MPZ: variants seen among roughly 807,000 people sequenced by gnomAD.
MPZ encodes myelin protein zero, also known as myelin protein P0.
A neutral mutation model predicts 27.9 loss-of-function variants in MPZ; 13 were observed. The ratio of observed to expected loss-of-function variants is 0.47; its 90% confidence interval spans 0.30 to 0.74. MPZ has a LOEUF of 0.74. Ranked by LOEUF, MPZ falls within the 30% of genes least tolerant of loss-of-function variation. MPZ has a pLI of 0.06. For synonymous variants in MPZ, 118 were observed against 128.9 expected (o/e 0.92, Z 0.57); for missense variants, 256 against 317.5 (o/e 0.81, Z 1.47).
chr1:161,307,016 A>AAAAAAAAAAAAAAG, intron 2 of MPZ, 95 bp from the exon 3 acceptor site: 1 of 309,214 alleles, frequency 3.2e-6, no homozygotes, highest in Non-Finnish European at 5.3e-6. Context: ...GAAAAAAGCA[A>AAAAAAAAAAAAAAG]AAAAAAAAAA....
Position 161,305,535 on chromosome 1 carries a change from T to C in MPZ, c.*341A>G, listed in dbSNP as rs557613782. The C allele has an allele frequency of 3.4e-4, 108 of 318,694 alleles. No individual in the cohort carries two copies. The highest frequency in any genetic ancestry group is 5.5e-4 in the Non-Finnish European group (93 of 170,540). 19.7% of individuals were successfully genotyped at this position (318,694 alleles called of 1,614,324 possible). A position where few individuals can be genotyped will look rare whatever the true frequency, so the allele number is the denominator to read the frequency against. On this transcript the variant is annotated 3_prime_UTR_variant, in exon 6 of 6. Coordinates refer to ENST00000533357, the MANE Select transcript of MPZ (RefSeq NM_000530.8). Reference sequence around the variant, plus strand: ...GAAGGTGGGGGAGAATACAATTGCCTGGGGAATGAATTCTGGAATGAAACT... The same window carrying C: ...GAAGGTGGGGGAGAATACAATTGCCCGGGGAATGAATTCTGGAATGAAACT...
In MPZ at chr1:161,306,458, G is replaced by A; in HGVS notation, c.455C>T (p.Thr152Ile). 6.2e-7 allele frequency: 1 copy of A among 1,614,222 alleles called. No homozygotes were observed. Among genetic ancestry groups the A allele is most frequent in the South Asian group, 1.1e-5 (1 of 91,086 alleles). ...AGCTCCCAGAACGACCCCGTACCTAGTTGGCACTAGGAGGGGTGGGAAAAG... is the reference window on the plus strand; with the variant it reads ...AGCTCCCAGAACGACCCCGTACCTAATTGGCACTAGGAGGGGTGGGAAAAG... ...VTLYVFEKVP[T>I]RYGVVLGAVI... The change falls in exon 4 of 6, where the codon ACT becomes ATT. Residue 152 changes from threonine to isoleucine, a missense_variant. Physicochemically the swap from Thr to Ile is moderately conservative, Grantham distance 89. Around this residue, in one of 2 missense-constraint regions of MPZ, gnomAD observed 155 missense variants for 223.9 expected, o/e 0.69. Coordinates refer to ENST00000533357, the MANE Select transcript of MPZ (RefSeq NM_000530.8).
chr1:161,309,552 A>ATATATATTTTTTTTTTT lies in MPZ; in HGVS notation c.67+286_67+287insAAAAAAAAAAATATATA. Reference sequence around the variant, plus strand: ...TTTCTTTTCATATATATATATATATATTTTTTTTTTTTTTGAATTTTACAG... The same window carrying ATATATATTTTTTTTTTT: ...TTTCTTTTCATATATATATATATATATATATATTTTTTTTTTTTTTTTTTTTTTTTTGAATTTTACAG... On this transcript the variant is annotated intron_variant, in intron 1 of 5. Coordinates refer to ENST00000533357, the MANE Select transcript of MPZ (RefSeq NM_000530.8). Among the ~76,000 whole-genome samples, 591 of 80,252 alleles carry ATATATATTTTTTTTTTT rather than the reference A, an allele frequency of 7.4e-3. 7 individuals carry two copies. Among genetic ancestry groups the ATATATATTTTTTTTTTT allele is most frequent in the Non-Finnish European group, 0.01 (440 of 41,988 alleles). 52.6% of individuals were successfully genotyped at this position (80,252 alleles called of 152,430 possible). A position where few individuals can be genotyped will look rare whatever the true frequency, so the allele number is the denominator to read the frequency against.
chr1:161,307,014 C>CAAAAAAAAAAAAACAA, intron 2 of MPZ, 93 bp from the exon 3 acceptor site: 1 of 230,386 alleles, frequency 4.3e-6, no homozygotes, highest in South Asian at 2.8e-5. Context: ...AAGAAAAAAG[C>CAAAAAAAAAAAAACAA]AAAAAAAAAA....
At position 161,305,308 on chromosome 1, in the gene MPZ, G is replaced by C. The variant is rs60731755; in HGVS notation, c.*568C>G. On this transcript the variant is annotated 3_prime_UTR_variant, in exon 6 of 6. Coordinates refer to ENST00000533357, the MANE Select transcript of MPZ (RefSeq NM_000530.8). The stretch of plus-strand genomic sequence containing the variant: ...TATGGAGCTGGGCCACCTGGTAGAG[G>C]GGAGGGAGGGACGGGAGAGGAAACA... The C allele has an allele frequency of 0.012, 1,820 of 156,866 alleles. 42 individuals carry two copies. The highest frequency in any genetic ancestry group is 0.039 in the African/African-American group (1,618 of 41,538). 9.7% of individuals were successfully genotyped at this position (156,866 alleles called of 1,614,324 possible).
chr1:161,307,034 A>AAT, intron 2 of MPZ, 113 bp from the exon 3 acceptor site: 1 of 1,014,002 alleles, frequency 9.9e-7, no homozygotes, highest in Non-Finnish European at 1.4e-6. Context: ...AAAAAAAAAA[A>AAT]AAAAGCTTCG....
Position 161,306,728 on chromosome 1 carries a change from G to A in MPZ, c.428C>T (p.Thr143Met), listed in dbSNP as rs750724650. 62 of 1,613,846 alleles carry A rather than the reference G, an allele frequency of 3.8e-5. No individual in the cohort carries two copies. The highest frequency in any genetic ancestry group is 6.7e-5 in the Admixed American group (4 of 59,980). ...PDIVGKTSQV[T>M]LYVFEKVPTR... ...CACACCTTTTTCAAAGACATACAGC[G>A]TGACCTGAGAGGTCTTGCCCACTAT... The change falls in exon 3 of 6, where the codon ACG becomes ATG. Residue 143 changes from threonine (T) to methionine (M), a missense_variant. Physicochemically the swap from Thr to Met is moderately conservative, Grantham distance 81. Coordinates refer to ENST00000533357, the MANE Select transcript of MPZ (RefSeq NM_000530.8).
intron 2 of MPZ, 92 bp from the exon 3 acceptor site, chr1:161,307,013 G>GTAAAAAAAAAAAAAAAA: frequency 1.6e-5 from 1 of 64,090 alleles, no homozygotes; most frequent in Non-Finnish European, 2.6e-5. Flanking sequence ...AAAGAAAAAA[G>GTAAAAAAAAAAAAAAAA]CAAAAAAAAA....
rs766114275 is a variant in MPZ, at chr1:161,309,912, G to T, written c.-7C>A. ...AGGGAGCCCCAGGAGCCATAGCTGG[G>T]GCAGGGGCAGGGGCCCGGAGCATCT... On this transcript the variant is annotated 5_prime_UTR_variant, in exon 1 of 6. Transcript: ENST00000533357. 1 of 1,580,840 alleles carries T rather than the reference G, an allele frequency of 6.3e-7. No homozygotes were observed. Among genetic ancestry groups the T allele is most frequent in the South Asian group, 1.2e-5 (1 of 86,214 alleles).
rs2102256960 is a variant in MPZ at position 161,305,819 on chromosome 1, TG to T, written c.*56del. On this transcript the variant is annotated 3_prime_UTR_variant, in exon 6 of 6. Transcript: ENST00000533357. ...GCTCCATCTCGATGACCATCACCTT[TG>T]GGCCTTTGGCGGACTCCACCCCTAA... 1 of 1,295,752 alleles carries T rather than the reference TG, an allele frequency of 7.7e-7. No individual in the cohort carries two copies. The highest frequency in any genetic ancestry group is 1.1e-6 in the Non-Finnish European group (1 of 904,008). The allele number at this position is 1,295,752 out of a possible 1,614,324, so 80.3% of individuals were successfully genotyped here.
Position 161,306,769 on chromosome 1 carries a change from G to T in MPZ, c.387C>A (p.Val129=). ...TGCCCACTATGTCTGGAGGGTTTTTGACGTCACAAGTGAACGTGCCATTGT... is the reference window on the plus strand; with the variant it reads ...TGCCCACTATGTCTGGAGGGTTTTTTACGTCACAAGTGAACGTGCCATTGT... The part of the protein sequence containing the change: ...YSDNGTFTCD[V]KNPPDIVGKT... The change falls in exon 3 of 6, where the codon GTC becomes GTA. Residue 129 remains valine (V), a synonymous_variant. Coordinates refer to ENST00000533357, the MANE Select transcript of MPZ (RefSeq NM_000530.8). 1 of 1,614,018 alleles carries T rather than the reference G, an allele frequency of 6.2e-7. No individual in the cohort carries two copies. The highest frequency in any genetic ancestry group is 8.5e-7 in the Non-Finnish European group (1 of 1,180,008).
Position 161,306,747 on chromosome 1 carries a change from C to T in MPZ, c.409G>A (p.Gly137Ser), listed in dbSNP as rs121913588. 6.2e-7 allele frequency: 1 copy of T among 1,614,038 alleles called. No individual in the cohort carries two copies. The highest frequency in any genetic ancestry group is 8.5e-7 in the Non-Finnish European group (1 of 1,180,024). The change falls in exon 3 of 6, where the codon GGC becomes AGC. Residue 137 changes from glycine to serine, a missense_variant. This residue lies in a region of MPZ where 155 missense variants were observed against 223.9 expected (regional missense o/e 0.69). Transcript: ENST00000533357. ...CDVKNPPDIV[G>S]KTSQVTLYVF... ...TACAGCGTGACCTGAGAGGTCTTGC[C>T]CACTATGTCTGGAGGGTTTTTGACG...
chr1:161,305,766 A>G lies in MPZ; in HGVS notation c.*110T>C. ...GCTGGGGGACTTGACAGCAGGCCGG[A>G]GCTCCGGGCTCTGCTCATCCTTTCG... On this transcript the variant is annotated 3_prime_UTR_variant, in exon 6 of 6. Coordinates refer to ENST00000533357, the MANE Select transcript of MPZ (RefSeq NM_000530.8). 1 of 775,876 alleles carries G rather than the reference A, an allele frequency of 1.3e-6. No homozygotes were observed. Among genetic ancestry groups the G allele is most frequent in the Non-Finnish European group, 2.1e-6 (1 of 478,204 alleles). 48.1% of individuals were successfully genotyped at this position (775,876 alleles called of 1,614,324 possible). A position where few individuals can be genotyped will look rare whatever the true frequency, so the allele number is the denominator to read the frequency against.
chr1:161,305,804 G>A lies in MPZ; in HGVS notation c.*72C>T. ...GCTCATCCTTTCGTAGCTCCATCTC[G>A]ATGACCATCACCTTTGGGCCTTTGG... On this transcript the variant is annotated 3_prime_UTR_variant, in exon 6 of 6. Coordinates refer to ENST00000533357, the MANE Select transcript of MPZ (RefSeq NM_000530.8). 3.5e-6 allele frequency: 4 copies of A among 1,137,352 alleles called. No homozygotes were observed. The South Asian group carries it at 4.1e-5, about 12-fold the overall frequency. 70.5% of individuals were successfully genotyped at this position (1,137,352 alleles called of 1,614,324 possible).
intron 1 of MPZ, among the ~76,000 whole-genome samples, chr1:161,308,466 C>T (rs141207447): frequency 5.5e-4 from 84 of 152,324 alleles, no homozygotes; most frequent in African/African-American, 2.0e-3. Flanking sequence ...GGAGGGGCAA[C>T]TGTAGACCTT....
At position 161,306,211 on chromosome 1, in the gene MPZ, C is replaced by G. The variant is rs761381261; in HGVS notation, c.585-43G>C. On this transcript the variant is annotated intron_variant, in intron 4 of 5. Coordinates refer to ENST00000533357, the MANE Select transcript of MPZ (RefSeq NM_000530.8). ...GCTGTACGTTTGGCCTCGCCGGAAC[C>G]CCTTGCACCGCGGACACAGCTTCCT... 3 of 1,612,652 alleles carry G rather than the reference C, an allele frequency of 1.9e-6. No homozygotes were observed. In the East Asian group the frequency reaches 6.7e-5, roughly 36 times the overall value.
Position 161,305,749 on chromosome 1 carries a change from A to C in MPZ, c.*127T>G. ...TTTTTGAGGCTGGTTCTGCTGGGGG[A>C]CTTGACAGCAGGCCGGAGCTCCGGG... On this transcript the variant is annotated 3_prime_UTR_variant, in exon 6 of 6. Transcript: ENST00000533357. The C allele has an allele frequency of 4.4e-6, 3 of 674,816 alleles. No homozygotes were observed. Among genetic ancestry groups the C allele is most frequent in the Non-Finnish European group, 7.6e-6 (3 of 396,014 alleles). The allele number at this position is 674,816 out of a possible 1,614,324, so 41.8% of individuals were successfully genotyped here.
chr1:161,309,800 T>C (rs1230834474), intron 1 of MPZ, 39 bp downstream of exon 1: 3 of 1,517,624 alleles, frequency 2.0e-6, no homozygotes, highest in East Asian at 2.4e-5. Flanking sequence ...GAGAGACACC[T>C]GAGTCCCAAG....
chr1:161,306,344 A>G lies in MPZ; in HGVS notation c.569T>C (p.Leu190Pro), dbSNP rs1670242746. 1.9e-6 allele frequency: 3 copies of G among 1,614,194 alleles called. No homozygotes were observed. The highest frequency in any genetic ancestry group is 2.5e-6 in the Non-Finnish European group (3 of 1,180,040). Residue 190 changes from leucine to proline, a missense_variant, in exon 4 of 6, where the codon CTG becomes CCG. By Grantham distance (98) the Leu-to-Pro change is moderately conservative. Around this residue, in one of 2 missense-constraint regions of MPZ, gnomAD observed 101 missense variants for 93.6 expected, o/e 1.08. Transcript: ENST00000533357. ...CGCCCCTTACCTGAGCCTCCTCTGC[A>G]GGGCCGCCTGCCTGCGTAGCCAGCA... ...RYCWLRRQAA[L>P]QRRLSAMEKG...
Sources: gnomAD v4.1 joint callset for allele counts (sites outside exome capture counted in the v4.1 genomes callset) on GRCh38, gnomAD v4.1.1 for gene constraint, gnomAD v4.1.1 regional missense constraint, MANE v1.5 for transcripts, NCBI Gene and HGNC (gene_info 2026-07-23, HGNC 2026-07-21) for gene names.